The following FRAS1 variants were observed in gnomAD, a reference collection of about 807,000 sequenced individuals.
FRAS1 encodes the protein extracellular matrix organizing protein FRAS1.
FRAS1 carries 290 observed loss-of-function variants against 435.2 expected under a neutral mutation model. That is an observed-to-expected ratio of 0.67 (90% CI 0.61 to 0.73). The LOEUF is 0.73. Among genes scored for constraint, FRAS1 ranks in the 30% least tolerant of loss-of-function variants. FRAS1 has a pLI of 0.00. For missense variants in FRAS1, 4,860 were observed against 5,001.5 expected (o/e 0.97, Z 0.85); for synonymous variants, 1,800 against 1,851.0 (o/e 0.97, Z 0.71).
chr4:78,421,146 A>C (rs1449000393), intron 33 of FRAS1, among the ~76,000 whole-genome samples: 2 of 151,350 alleles, frequency 1.3e-5, no homozygotes, highest in Non-Finnish European at 2.9e-5. Context: ...TTAGTTTTTT[A>C]ATTTATATAT....
At chr4:78,363,749 A>G in intron 21 of FRAS1, 84 bp downstream of exon 21, 1 of 1,476,598 alleles carries the variant, frequency 6.8e-7, no homozygotes, top group South Asian at 1.3e-5. Flanking sequence ...ACCTTTCCTA[A>G]GAGAGAGTGG....
rs377213164 is a variant in FRAS1, at chr4:78,153,239, G to C, written c.109-84271G>C. On this transcript the variant is annotated intron_variant, in intron 2 of 73. Transcript: ENST00000512123. The stretch of plus-strand genomic sequence containing the variant: ...CCCTCTGCCTACTTTGTGTCTGGGA[G>C]TGTCCAGCATCAATATCTACCAGAC... 1.1e-3 allele frequency among the ~76,000 whole-genome samples: 160 copies of C among 152,134 alleles called. 1 individual carries two copies. The highest frequency in any genetic ancestry group is 3.7e-3 in the African/African-American group (153 of 41,506).
chr4:78,284,229 ATTTTTTT>A (rs11453256), intron 12 of FRAS1, among the ~76,000 whole-genome samples, 169 bp from the exon 13 acceptor site: 10 of 80,818 alleles, frequency 1.2e-4, no homozygotes, highest in African/African-American at 3.9e-4. Flanking sequence ...ATTGGAATGT[ATTTTTTT>A]TTTTTTTTTT....
chr4:78,341,150 C>T (rs972734750), intron 20 of FRAS1, among the ~76,000 whole-genome samples: 1 of 151,982 alleles, frequency 6.6e-6, no homozygotes, highest in Non-Finnish European at 1.5e-5. Context: ...GAAAGCTTTC[C>T]GGAGGATGTC....
At chr4:78,217,789 C>G (rs1723833288) in intron 2 of FRAS1, among the ~76,000 whole-genome samples, 1 of 143,316 alleles carries the variant, frequency 7.0e-6, no homozygotes, top group Non-Finnish European at 1.5e-5. Context: ...AAGATATCTC[C>G]CCCTCCCTTC....
At chr4:78,143,443 A>G (rs1283677904) in intron 2 of FRAS1, among the ~76,000 whole-genome samples, 1 of 152,196 alleles carries the variant, frequency 6.6e-6, no homozygotes, top group Non-Finnish European at 1.5e-5. Context: ...ATCAGAGGAT[A>G]TAGAAAATTT....
At chr4:78,203,881 T>C (rs1468235128) in intron 2 of FRAS1, among the ~76,000 whole-genome samples, 1 of 152,232 alleles carries the variant, frequency 6.6e-6, no homozygotes, top group East Asian at 1.9e-4. Flanking sequence ...TCTTGTTTCC[T>C]ACTGTAAACA....
chr4:78,114,278 G>A (rs192042871), intron 2 of FRAS1, among the ~76,000 whole-genome samples: 7,447 of 152,196 alleles, frequency 0.049, 246 homozygotes, highest in Middle Eastern at 0.085. Flanking sequence ...CTCCAGCTTT[G>A]TTCTTTTGGC....
At chr4:78,207,990 A>G (rs1204884825) in intron 2 of FRAS1, among the ~76,000 whole-genome samples, 2 of 152,154 alleles carry the variant, frequency 1.3e-5, no homozygotes, top group Non-Finnish European at 2.9e-5. Flanking sequence ...GCAGGAATAA[A>G]CCAGAAAAGC....
At chr4:78,473,864 G>A (rs1719785593) in intron 53 of FRAS1, among the ~76,000 whole-genome samples, 1 of 152,168 alleles carries the variant, frequency 6.6e-6, no homozygotes, top group Non-Finnish European at 1.5e-5. Flanking sequence ...CAAAGTAATA[G>A]AGACAGAAAC....
Position 78,112,658 on chromosome 4 carries a change from G to A in FRAS1, c.108+46642G>A, listed in dbSNP as rs150019567. ...TACATGGCTACTTATTTCTTAGTTA[G>A]TGCAGTTATGAAATGGCCAAACCAA... On this transcript the variant is annotated intron_variant, in intron 2 of 73. Coordinates refer to ENST00000512123, the MANE Select transcript of FRAS1 (RefSeq NM_025074.7). Among the ~76,000 whole-genome samples the A allele has an allele frequency of 1.3e-3, 205 of 152,120 alleles. 9 individuals carry two copies. In the South Asian group the frequency reaches 0.018, roughly 13 times the overall value.
chr4:78,210,264 C>T (rs1035332508), intron 2 of FRAS1, among the ~76,000 whole-genome samples: 1 of 152,200 alleles, frequency 6.6e-6, no homozygotes, highest in Non-Finnish European at 1.5e-5. Flanking sequence ...GCCTTTTTCT[C>T]CAAAGCTGGG....
intron 49 of FRAS1, among the ~76,000 whole-genome samples, chr4:78,466,006 G>T (rs1719514618): frequency 6.6e-6 from 1 of 152,166 alleles, no homozygotes; most frequent in East Asian, 1.9e-4. Flanking sequence ...TACAACTGAA[G>T]GTACCAGAAT....
intron 2 of FRAS1, among the ~76,000 whole-genome samples, chr4:78,178,516 G>A (rs1279704722): frequency 6.6e-6 from 1 of 152,122 alleles, no homozygotes; most frequent in Non-Finnish European, 1.5e-5. Flanking sequence ...TTAATTTGGT[G>A]GGCATCAACA....
rs1408522747 is a variant in FRAS1, at chr4:78,466,409, T to G, written c.7231T>G (p.Phe2411Val). ...FTVSDGTNPF[F>V]IIEEGGKEIM... ...TGTTTCTGATGGGACAAACCCCTTCTTTATCATTGAGGAAGGGGGAAAAGA... is the reference window on the plus strand; with the variant it reads ...TGTTTCTGATGGGACAAACCCCTTCGTTATCATTGAGGAAGGGGGAAAAGA... The change falls in exon 50 of 74, where the codon TTT (phenylalanine) becomes GTT (valine). Residue 2411 changes from phenylalanine (F) to valine (V), a missense_variant. Coordinates refer to ENST00000512123, the MANE Select transcript of FRAS1 (RefSeq NM_025074.7). The G allele has an allele frequency of 1.9e-6, 3 of 1,613,558 alleles. No individual in the cohort carries two copies. Among genetic ancestry groups the G allele is most frequent in the Non-Finnish European group, 2.5e-6 (3 of 1,179,694 alleles).
chr4:78,113,675 GT>G (rs1225742780), intron 2 of FRAS1, among the ~76,000 whole-genome samples: 5 of 152,082 alleles, frequency 3.3e-5, no homozygotes, highest in Admixed American at 6.6e-5. Context: ...TGATGGGGTT[GT>G]TTGTTTTTTT....
chr4:78,132,604 T>A (rs540136322), intron 2 of FRAS1, among the ~76,000 whole-genome samples: 1 of 152,258 alleles, frequency 6.6e-6, no homozygotes, highest in East Asian at 1.9e-4. Flanking sequence ...TAATGGCAGA[T>A]CACTCTGGTT....
intron 35 of FRAS1, among the ~76,000 whole-genome samples, chr4:78,427,733 T>C (rs953889636): frequency 6.6e-6 from 1 of 152,242 alleles, no homozygotes; most frequent in African/African-American, 2.4e-5. Flanking sequence ...TTACCTTCAA[T>C]AGGGCTGTTT....
intron 61 of FRAS1, among the ~76,000 whole-genome samples, chr4:78,500,290 A>G (rs1720635637): frequency 6.6e-6 from 1 of 152,238 alleles, no homozygotes; most frequent in Non-Finnish European, 1.5e-5. Flanking sequence ...GGATTACTAC[A>G]TCTGAAAGGC....
Sources: allele counts gnomAD v4.1 joint callset (sites outside exome capture counted in the v4.1 genomes callset), GRCh38; gene constraint gnomAD v4.1.1; transcripts MANE v1.5; gene names NCBI Gene and HGNC (gene_info 2026-07-23, HGNC 2026-07-21).